Variants in GALNT5 observed in about 807,000 individuals in gnomAD.
GALNT5 encodes the protein UDP-GalNAc:polypeptide N-acetylgalactosaminyltransferase 5.
GALNT5 carries 72 observed loss-of-function variants against 85.4 expected under a neutral mutation model. The ratio of observed to expected loss-of-function variants is 0.84; its 90% confidence interval spans 0.70 to 1.03. GALNT5 has a LOEUF of 1.03. GALNT5 is among the 50% of genes least tolerant of loss of function. The pLI, the probability that GALNT5 is intolerant of heterozygous loss-of-function variation, is 0.00. For synonymous variants in GALNT5, 404 were observed against 397.0 expected (o/e 1.02, Z -0.21); for missense variants, 1,137 against 1,135.5 (o/e 1.00, Z -0.02).
chr2:157,285,594 A>C (rs1025219388), intron 2 of GALNT5, among the ~76,000 whole-genome samples: 2 of 152,186 alleles, frequency 1.3e-5, no homozygotes, highest in African/African-American at 4.8e-5. Flanking sequence ...AGAGTAGAGA[A>C]TGAAAGGGTC....
At position 157,270,977 on chromosome 2, in the gene GALNT5, G is replaced by T. The variant is rs577214232; in HGVS notation, c.1454+11441G>T. ...AAAAATACACAAAAATTAGCCAGGC[G>T]TGGTGGCAGGTGCCTGTAGTCCCAG... On this transcript the variant is annotated intron_variant, in intron 1 of 9. Transcript: ENST00000259056. 3.3e-5 allele frequency among the ~76,000 whole-genome samples: 5 copies of T among 152,220 alleles called. No individual in the cohort carries two copies. The East Asian group carries it at 9.7e-4, about 29-fold the overall frequency.
In GALNT5 at chr2:157,311,536, TG is replaced by T. The variant is rs1683570316; in HGVS notation, c.*189del. On this transcript the variant is annotated 3_prime_UTR_variant, in exon 10 of 10. Coordinates refer to ENST00000259056, the MANE Select transcript of GALNT5 (RefSeq NM_014568.3). ...TCAGGAAAACAGTCCAACATTGGAC[TG>T]AAGTCCTTCTTCGGAACTGGGTGGC... 1 of 493,596 alleles carries T rather than the reference TG, an allele frequency of 2.0e-6. No individual in the cohort carries two copies. The highest frequency in any genetic ancestry group is 2.0e-5 in the African/African-American group (1 of 49,120). 30.6% of individuals were successfully genotyped at this position (493,596 alleles called of 1,614,324 possible).
intron 1 of GALNT5, among the ~76,000 whole-genome samples, chr2:157,267,454 G>A (rs879738778): frequency 2.0e-5 from 3 of 152,186 alleles, no homozygotes; most frequent in Non-Finnish European, 4.4e-5. Context: ...GAAAACCACA[G>A]AATGTTAATA....
rs913620859 is a variant in GALNT5, at chr2:157,286,494, A to ATGTTTT, written c.1741+380_1741+385dup. ...TTCAAGTTTTCTCATTGTTCCCAAA[A>ATGTTTT]TGTTTTTGTTTTTGTTTTTGTTTTT... On this transcript the variant is annotated intron_variant, in intron 3 of 9. Coordinates refer to ENST00000259056, the MANE Select transcript of GALNT5 (RefSeq NM_014568.3). 1.1e-4 allele frequency among the ~76,000 whole-genome samples: 16 copies of ATGTTTT among 151,970 alleles called. No individual in the cohort carries two copies. In the East Asian group the frequency reaches 3.1e-3, roughly 29 times the overall value.
chr2:157,299,479 A>C, intron 5 of GALNT5, 69 bp from the exon 6 acceptor site: 2 of 894,376 alleles, frequency 2.2e-6, no homozygotes, highest in Admixed American at 3.7e-5. Context: ...ACAGATGTAC[A>C]GAGGAACAAC....
chr2:157,269,133 A>G (rs543983592), intron 1 of GALNT5, among the ~76,000 whole-genome samples: 1 of 152,212 alleles, frequency 6.6e-6, no homozygotes, highest in Non-Finnish European at 1.5e-5. Flanking sequence ...ACCCTATTAC[A>G]TTAGCAAGTA....
rs1007816594 is a variant in GALNT5, at chr2:157,317,456, C to A, written c.*6108C>A. ...AAGATTACACACATGTCTTCTGCTT[C>A]AAACAACTACCCCAAATTTGCTAGT... On this transcript the variant is annotated 3_prime_UTR_variant, in exon 10 of 10. Coordinates refer to ENST00000259056, the MANE Select transcript of GALNT5 (RefSeq NM_014568.3). Among the ~76,000 whole-genome samples the A allele has an allele frequency of 6.6e-6, 1 of 151,862 alleles. No individual in the cohort carries two copies. Among genetic ancestry groups the A allele is most frequent in the Non-Finnish European group, 1.5e-5 (1 of 67,920 alleles).
rs1175851942 is a variant in GALNT5, at chr2:157,317,006, TTTA to T, written c.*5664_*5666del. ...TTTTTCAAAAACAAGAGCTTTCTGT[TTTA>T]TTATTGATTGACAGATATTTACCAG... is the stretch of plus-strand genomic sequence containing the variant. On this transcript the variant is annotated 3_prime_UTR_variant, in exon 10 of 10. Coordinates refer to ENST00000259056, the MANE Select transcript of GALNT5 (RefSeq NM_014568.3). 6.6e-6 allele frequency among the ~76,000 whole-genome samples: 1 copy of T among 151,732 alleles called. No homozygotes were observed. The highest frequency in any genetic ancestry group is 2.4e-5 in the African/African-American group (1 of 41,374).
chr2:157,305,822 G>A lies in GALNT5; in HGVS notation c.2513G>A (p.Ser838Asn), dbSNP rs1250582005. The A allele has an allele frequency of 1.9e-6, 3 of 1,587,286 alleles. No individual in the cohort carries two copies. The highest frequency in any genetic ancestry group is 4.5e-5 in the East Asian group (2 of 44,714). Reference protein sequence around the residue: ...TTVILEDCDGSKELQQFNYTW... With the variant: ...TTVILEDCDGNKELQQFNYTW... ...GTCATTCTGGAAGACTGCGATGGGAGCAAAGAGGTATGCTAAACTGTTTTC... is the reference window on the plus strand; with the variant it reads ...GTCATTCTGGAAGACTGCGATGGGAACAAAGAGGTATGCTAAACTGTTTTC... Residue 838 changes from serine (S) to asparagine (N), a missense_variant, in exon 8 of 10, where the codon AGC (serine) becomes AAC (asparagine). Coordinates refer to ENST00000259056, the MANE Select transcript of GALNT5 (RefSeq NM_014568.3).
At chr2:157,265,385 CAATTCTGCTACTAGTTCA>C (rs1457062524) in intron 1 of GALNT5, among the ~76,000 whole-genome samples, 7 of 152,108 alleles carry the variant, frequency 4.6e-5, no homozygotes, top group Non-Finnish European at 7.4e-5. Context: ...ATGGAAAGCA[CAATTCTGCTACTAGTTCA>C]AATTCTGCTA....
rs779011189 is a variant in GALNT5, at chr2:157,284,389, A to G, written c.1562A>G (p.Asn521Ser). 11 of 1,613,878 alleles carry G rather than the reference A, an allele frequency of 6.8e-6. No individual in the cohort carries two copies. The Admixed American group carries it at 8.3e-5, about 12-fold the overall frequency. The change falls in exon 2 of 10, where the codon AAT becomes AGT. Residue 521 changes from asparagine (N) to serine (S), a missense_variant. Transcript: ENST00000259056. ...TLLRSVHSVI[N>S]RSPPHLIKEI... ...CTGAGATCTGTTCACAGTGTCATCA[A>G]TCGCTCTCCTCCACACCTCATCAAG...
intron 1 of GALNT5, among the ~76,000 whole-genome samples, chr2:157,283,996 T>G (rs1026704192): frequency 1.3e-5 from 2 of 152,232 alleles, no homozygotes; most frequent in African/African-American, 4.8e-5. Context: ...GTGTGATGTC[T>G]GCATGGGACA....
chr2:157,262,258 A>G (rs966077577), intron 1 of GALNT5, among the ~76,000 whole-genome samples: 2 of 151,948 alleles, frequency 1.3e-5, no homozygotes, highest in African/African-American at 4.8e-5. Flanking sequence ...TTTAAATTCA[A>G]CTTCACCCAG....
chr2:157,307,844 G>A (rs927326943), intron 8 of GALNT5, among the ~76,000 whole-genome samples: 6 of 152,002 alleles, frequency 3.9e-5, no homozygotes, highest in Non-Finnish European at 8.8e-5. Context: ...TAAATTGACC[G>A]GGTAGACAAT....
intron 4 of GALNT5, 52 bp downstream of exon 4, chr2:157,295,850 G>C: frequency 6.5e-6 from 9 of 1,393,378 alleles, no homozygotes; most frequent in Non-Finnish European, 9.1e-6. Context: ...TTAATCACAA[G>C]CAGCAGAAAG....
At position 157,296,516 on chromosome 2, in the gene GALNT5, A is replaced by ATC. The variant is rs1683218022; in HGVS notation, c.1997+3_1997+4insTC. ...ATTAAAGAAACTGATACAATAAGGT[A>ATC]AGTGTGGGAAATTTAAGACTAGAAA... is the stretch of plus-strand genomic sequence containing the variant. On this transcript the variant is annotated splice_donor_region_variant and intron_variant, in intron 5 of 9. Transcript: ENST00000259056. The ATC allele has an allele frequency of 6.2e-7, 1 of 1,605,042 alleles. No homozygotes were observed. Among genetic ancestry groups the ATC allele is most frequent in the South Asian group, 1.1e-5 (1 of 90,332 alleles).
rs751889595 is a variant in GALNT5 at position 157,311,192 on chromosome 2, T to G, written c.2683-16T>G. The G allele has an allele frequency of 8.7e-6, 14 of 1,600,854 alleles. No homozygotes were observed. Among genetic ancestry groups the G allele is most frequent in the Non-Finnish European group, 1.2e-5 (14 of 1,171,858 alleles). On this transcript the variant is annotated splice_polypyrimidine_tract_variant and intron_variant, in intron 9 of 9. Coordinates refer to ENST00000259056, the MANE Select transcript of GALNT5 (RefSeq NM_014568.3). ...ATTCAGCCTGTGGCTCATTCCCAGCTCTTCTTTCTCTCCAGGTGAATCACA... is the reference window on the plus strand; with the variant it reads ...ATTCAGCCTGTGGCTCATTCCCAGCGCTTCTTTCTCTCCAGGTGAATCACA...
In GALNT5 at chr2:157,286,135, G is replaced by GT; in HGVS notation, c.1741+2dup. ...CTGGCAGGAGCACAGAATGCAACAG[G>GT]TAAGAAGTTACTCATTTTTTTGTTT... is the stretch of plus-strand genomic sequence containing the variant. On this transcript the variant is annotated splice_donor_variant, in intron 3 of 9. Transcript: ENST00000259056. LOFTEE classifies it high-confidence loss of function. 6.2e-7 allele frequency: 1 copy of GT among 1,606,500 alleles called. No homozygotes were observed. The highest frequency in any genetic ancestry group is 2.2e-5 in the East Asian group (1 of 44,800).
intron 8 of GALNT5, among the ~76,000 whole-genome samples, chr2:157,307,257 G>A (rs1423793877): frequency 6.6e-6 from 1 of 152,080 alleles, no homozygotes; most frequent in Non-Finnish European, 1.5e-5. Flanking sequence ...AAAGAAATGT[G>A]GAGGAAGTTA....
Sources: allele counts gnomAD v4.1 joint callset (sites outside exome capture counted in the v4.1 genomes callset), GRCh38; gene constraint gnomAD v4.1.1; transcripts MANE v1.5; gene names NCBI Gene and HGNC (gene_info 2026-07-23, HGNC 2026-07-21).